Variants in SPIDR observed in about 807,000 individuals in gnomAD.
SPIDR encodes scaffold protein involved in DNA repair.
A neutral mutation model predicts 104.6 loss-of-function variants in SPIDR; 93 were observed. That is an observed-to-expected ratio of 0.89 (90% CI 0.75 to 1.06). SPIDR has a LOEUF of 1.06. SPIDR is among the 50% of genes least tolerant of loss of function. The pLI, the probability that SPIDR is intolerant of heterozygous loss-of-function variation, is 0.00. For missense variants in SPIDR, 1,154 were observed against 1,111.2 expected, an observed-to-expected ratio of 1.04 and a Z score of -0.55; for synonymous variants, 431 against 416.9, an observed-to-expected ratio of 1.03 and a Z score of -0.41.
intron 11 of SPIDR, among the ~76,000 whole-genome samples, chr8:47,681,663 G>A (rs1375701124): frequency 2.0e-5 from 3 of 152,082 alleles, no homozygotes; most frequent in Non-Finnish European, 2.9e-5. Flanking sequence ...ACTCTCTAAG[G>A]CTTCAACTGT....
At chr8:47,583,005 G>A (rs1271059233) in intron 8 of SPIDR, among the ~76,000 whole-genome samples, 1 of 151,944 alleles carries the variant, frequency 6.6e-6, no homozygotes, top group East Asian at 1.9e-4. Flanking sequence ...ATTTGTGTGT[G>A]TAACTCTTCC....
chr8:47,286,037 G>A (rs1212171984), intron 3 of SPIDR, among the ~76,000 whole-genome samples: 3 of 152,274 alleles, frequency 2.0e-5, no homozygotes, highest in African/African-American at 7.2e-5. Flanking sequence ...TGTGCAGTCA[G>A]GTGCCTATAA....
At chr8:47,576,389 G>C (rs1208194254) in intron 8 of SPIDR, among the ~76,000 whole-genome samples, 6 of 152,346 alleles carry the variant, frequency 3.9e-5, no homozygotes, top group African/African-American at 1.4e-4. Context: ...GACCTCAGGT[G>C]ATCCGTCCGC....
intron 8 of SPIDR, among the ~76,000 whole-genome samples, chr8:47,579,313 A>T (rs946870240): frequency 2.6e-5 from 4 of 152,176 alleles, no homozygotes; most frequent in Non-Finnish European, 5.9e-5. Context: ...AGTCAGTCAA[A>T]AAGAATTTAC....
intron 10 of SPIDR, among the ~76,000 whole-genome samples, chr8:47,668,037 A>G (rs190357631): frequency 4.2e-4 from 64 of 152,360 alleles, no homozygotes; most frequent in South Asian, 1.7e-3. Flanking sequence ...TCCAGTTATC[A>G]TTAGAGATGT....
At chr8:47,492,864 T>G (rs2078926462) in intron 8 of SPIDR, among the ~76,000 whole-genome samples, 1 of 152,216 alleles carries the variant, frequency 6.6e-6, no homozygotes, top group Non-Finnish European at 1.5e-5. Flanking sequence ...TTGGCCCAAT[T>G]AATGAACTAA....
chr8:47,734,334 G>C (rs1243190085), intron 19 of SPIDR, among the ~76,000 whole-genome samples: 1 of 152,152 alleles, frequency 6.6e-6, no homozygotes, highest in East Asian at 1.9e-4. Flanking sequence ...GCCAGACACT[G>C]AGGCCAGCTC....
chr8:47,627,236 T>C (rs1170620123), intron 10 of SPIDR, among the ~76,000 whole-genome samples: 1 of 151,946 alleles, frequency 6.6e-6, no homozygotes, highest in African/African-American at 2.4e-5. Flanking sequence ...TGGGGACTGT[T>C]GTGGGGTGGC....
chr8:47,504,797 C>T (rs559655334), intron 8 of SPIDR, among the ~76,000 whole-genome samples: 27 of 152,230 alleles, frequency 1.8e-4, no homozygotes, highest in Admixed American at 1.3e-3. Context: ...ATGATAGTGA[C>T]GTACAGATGG....
Position 47,728,796 on chromosome 8 carries a change from T to C in SPIDR, c.2436-137T>C, listed in dbSNP as rs1237031989. 7.9e-6 allele frequency: 8 copies of C among 1,013,012 alleles called. No individual in the cohort carries two copies. In the African/African-American group the frequency reaches 1.1e-4, roughly 14 times the overall value. The allele number at this position is 1,013,012 out of a possible 1,614,324, so 62.8% of individuals were successfully genotyped here. A position where few individuals can be genotyped will look rare whatever the true frequency, so the allele number is the denominator to read the frequency against. ...GAGTCCAGGCAGCTGCAGGCCTCTC[T>C]CAGAAACTTGATTCTGAGAGTAAAG... On this transcript the variant is annotated intron_variant, in intron 17 of 19. Coordinates refer to ENST00000297423, the MANE Select transcript of SPIDR (RefSeq NM_001080394.4).
At chr8:47,491,594 C>G (rs574198210) in intron 8 of SPIDR, among the ~76,000 whole-genome samples, 1 of 152,098 alleles carries the variant, frequency 6.6e-6, no homozygotes, top group South Asian at 2.1e-4. Context: ...GTGCAGAGAT[C>G]AGAAGAACAC....
chr8:47,722,812 T>C (rs900609138), intron 16 of SPIDR, among the ~76,000 whole-genome samples: 12 of 152,196 alleles, frequency 7.9e-5, no homozygotes, highest in Admixed American at 7.9e-4. Context: ...GGGGTCTTGC[T>C]GTATTGTCCA....
At chr8:47,572,866 A>C (rs1050545227) in intron 8 of SPIDR, among the ~76,000 whole-genome samples, 1 of 152,074 alleles carries the variant, frequency 6.6e-6, no homozygotes, top group Non-Finnish European at 1.5e-5. Flanking sequence ...CTCATGGACC[A>C]GGGGCAGTGC....
chr8:47,400,151 G>T (rs575256825), intron 6 of SPIDR, among the ~76,000 whole-genome samples: 2 of 152,216 alleles, frequency 1.3e-5, no homozygotes, highest in Admixed American at 6.5e-5. Context: ...TCTTGAAGCT[G>T]CAGTGAAGAG....
chr8:47,404,165 T>C (rs1442236089), intron 6 of SPIDR, among the ~76,000 whole-genome samples: 3 of 152,248 alleles, frequency 2.0e-5, no homozygotes, highest in Admixed American at 6.5e-5. Context: ...AAGCTGAAAC[T>C]GGATCCCTTC....
intron 8 of SPIDR, among the ~76,000 whole-genome samples, chr8:47,486,088 G>C (rs1258145883): frequency 1.3e-5 from 2 of 152,210 alleles, no homozygotes; most frequent in African/African-American, 4.8e-5. Context: ...CCATCGCAAA[G>C]CAGCTAAAAA....
intron 8 of SPIDR, among the ~76,000 whole-genome samples, chr8:47,564,539 G>A (rs1240046101): frequency 6.6e-6 from 1 of 152,102 alleles, no homozygotes; most frequent in East Asian, 1.9e-4. Flanking sequence ...AATTAGCTGG[G>A]TGTGGTGGCA....
At position 47,644,615 on chromosome 8, in the gene SPIDR, A is replaced by G. The variant is rs1016077220; in HGVS notation, c.1545-29186A>G. On this transcript the variant is annotated intron_variant, in intron 10 of 19. Coordinates refer to ENST00000297423, the MANE Select transcript of SPIDR (RefSeq NM_001080394.4). ...CTTATACTTTACTTTTCTCATTTGT[A>G]AAATGGAGGTTATGATGGTATCTCC... 9.9e-5 allele frequency among the ~76,000 whole-genome samples: 15 copies of G among 152,228 alleles called. 1 individual carries two copies. The highest frequency in any genetic ancestry group is 9.2e-4 in the Admixed American group (14 of 15,286).
intron 5 of SPIDR, among the ~76,000 whole-genome samples, chr8:47,389,322 A>G (rs1293863164): frequency 6.6e-6 from 1 of 152,220 alleles, no homozygotes; most frequent in Non-Finnish European, 1.5e-5. Context: ...AAAGAAAAAC[A>G]AATTTAAATC....
Sources: allele counts gnomAD v4.1 joint callset (sites outside exome capture counted in the v4.1 genomes callset), GRCh38; gene constraint gnomAD v4.1.1; transcripts MANE v1.5; gene names NCBI Gene and HGNC (gene_info 2026-07-23, HGNC 2026-07-21).